BBX: variants seen among roughly 807,000 people sequenced by gnomAD.
The protein encoded by BBX is BBX high mobility group box domain containing, also known as HMG box transcription factor BBX.
In BBX, 30 loss-of-function variants were observed where a neutral mutation model predicts 100.2. That is an observed-to-expected ratio of 0.30 (90% CI 0.22 to 0.41). The LOEUF (loss-of-function observed/expected upper bound fraction) is 0.41. Among genes scored for constraint, BBX ranks in the 10% least tolerant of loss-of-function variants. BBX has a pLI of 1.00. For synonymous variants in BBX, 376 were observed against 388.1 expected (o/e 0.97, Z 0.37); for missense variants, 1,023 against 1,129.8 (o/e 0.91, Z 1.35).
chr3:107,721,504 C>T (rs1317529792), intron 5 of BBX, among the ~76,000 whole-genome samples: 3 of 151,910 alleles, frequency 2.0e-5, no homozygotes, highest in African/African-American at 7.2e-5. Context: ...AGGGGCCCCA[C>T]CACATTTGTG....
In BBX at chr3:107,805,294, C is replaced by A; in HGVS notation, c.2739-76C>A. 2.9e-5 allele frequency: 41 copies of A among 1,423,226 alleles called. No individual in the cohort carries two copies. In the South Asian group the frequency reaches 5.3e-4, roughly 19 times the overall value. The allele number at this position is 1,423,226 out of a possible 1,614,324, so 88.2% of individuals were successfully genotyped here. A position where few individuals can be genotyped will look rare whatever the true frequency, so the allele number is the denominator to read the frequency against. On this transcript the variant is annotated intron_variant, in intron 17 of 17. Transcript: ENST00000325805. ...CTGTTAAACAAGATATTGGAACACA[C>A]TTGTTATTCATCGTCCTCTCCTGTC...
chr3:107,642,001 G>A (rs1200327660), intron 2 of BBX: 1 of 152,184 alleles, frequency 6.6e-6, no homozygotes, highest in Non-Finnish European at 1.5e-5. Context: ...TTCAGCAGAT[G>A]ATTTAACTAG....
chr3:107,596,927 A>G (rs1306238752), intron 2 of BBX, among the ~76,000 whole-genome samples: 2 of 152,160 alleles, frequency 1.3e-5, no homozygotes, highest in Non-Finnish European at 2.9e-5. Flanking sequence ...GGCACTTGAA[A>G]GGTGTTTTGT....
In BBX at chr3:107,550,328, G is replaced by A. The variant is rs2049564427; in HGVS notation, c.-84+23930G>A. 4.6e-5 allele frequency among the ~76,000 whole-genome samples: 7 copies of A among 152,256 alleles called. No individual in the cohort carries two copies. The South Asian group carries it at 1.5e-3, about 32-fold the overall frequency. On this transcript the variant is annotated intron_variant, in intron 2 of 17. Transcript: ENST00000325805. ...ACTCTGGAGAGGTACAGACAATATG[G>A]TCAGATGAGGGATCGGTAACTTTTG...
chr3:107,671,653 CTT>C (rs1484024530), intron 3 of BBX, among the ~76,000 whole-genome samples: 1 of 152,052 alleles, frequency 6.6e-6, no homozygotes. Flanking sequence ...CTCAAAAAGA[CTT>C]TTCAGAATTG....
At chr3:107,632,881 T>C (rs1462455636) in intron 2 of BBX, among the ~76,000 whole-genome samples, 1 of 152,224 alleles carries the variant, frequency 6.6e-6, no homozygotes, top group Non-Finnish European at 1.5e-5. Flanking sequence ...TGTTAAATGA[T>C]TCTGACAAAT....
At chr3:107,801,950 G>A (rs1417662588) in intron 17 of BBX, among the ~76,000 whole-genome samples, 4 of 152,088 alleles carry the variant, frequency 2.6e-5, no homozygotes, top group African/African-American at 9.7e-5. Flanking sequence ...TAGTGATATC[G>A]CCAAAGAATT....
chr3:107,657,474 C>T (rs2058213726), intron 3 of BBX, among the ~76,000 whole-genome samples: 1 of 152,118 alleles, frequency 6.6e-6, no homozygotes, highest in Non-Finnish European at 1.5e-5. Context: ...AGGTATCTGT[C>T]ACCTGAATCA....
At chr3:107,661,821 G>A (rs2058460898) in intron 3 of BBX, 1 of 956,044 alleles carries the variant, frequency 1.0e-6, no homozygotes, top group Non-Finnish European at 1.2e-6. Context: ...TGTTTTTCTT[G>A]TCCCAGGCAC....
intron 2 of BBX, among the ~76,000 whole-genome samples, chr3:107,603,047 T>G (rs2054171072): frequency 6.6e-6 from 1 of 152,164 alleles, no homozygotes; most frequent in African/African-American, 2.4e-5. Flanking sequence ...CACTGCAAGC[T>G]CCACCTCCCA....
intron 3 of BBX, among the ~76,000 whole-genome samples, chr3:107,703,570 T>C (rs2061212140): frequency 6.6e-6 from 1 of 152,212 alleles, no homozygotes; most frequent in Non-Finnish European, 1.5e-5. Context: ...GGGTGCCTTA[T>C]TAGTATTCAT....
chr3:107,675,570 T>C (rs1258427064), intron 3 of BBX, among the ~76,000 whole-genome samples: 1 of 152,150 alleles, frequency 6.6e-6, no homozygotes. Flanking sequence ...TTTAATACCG[T>C]CGTTTGTGTC....
intron 16 of BBX, 65 bp downstream of exon 16, chr3:107,798,785 G>T: frequency 7.3e-7 from 1 of 1,360,660 alleles, no homozygotes. Context: ...CACACTGGAA[G>T]AAGAATTGTC....
At position 107,810,536 on chromosome 3, in the gene BBX, C is replaced by T. The variant is rs1415773422; in HGVS notation, c.*5079C>T. On this transcript the variant is annotated 3_prime_UTR_variant, in exon 18 of 18. Transcript: ENST00000325805. ...ACCTCACAAGCTCTAACCTAAATCA[C>T]AGAGACATGCATGTTTCATGCATTA... 6.6e-6 allele frequency: 1 copy of T among 152,218 alleles called. No individual in the cohort carries two copies. Among genetic ancestry groups the T allele is most frequent in the Non-Finnish European group, 1.5e-5 (1 of 68,044 alleles). 9.4% of individuals were successfully genotyped at this position (152,218 alleles called of 1,614,324 possible).
At chr3:107,702,794 A>T (rs1050733987) in intron 3 of BBX, among the ~76,000 whole-genome samples, 1 of 152,244 alleles carries the variant, frequency 6.6e-6, no homozygotes, top group Non-Finnish European at 1.5e-5. Flanking sequence ...AGGCAAACAC[A>T]GCCTTTTAGA....
chr3:107,744,949 A>G (rs556590873), intron 8 of BBX, among the ~76,000 whole-genome samples: 1 of 152,312 alleles, frequency 6.6e-6, no homozygotes, highest in East Asian at 1.9e-4. Context: ...TATTAACCTC[A>G]TTACTAATTT....
At chr3:107,587,791 A>G (rs2052975003) in intron 2 of BBX, among the ~76,000 whole-genome samples, 1 of 152,224 alleles carries the variant, frequency 6.6e-6, no homozygotes. Flanking sequence ...TGAGGGAGGT[A>G]AAACATACAG....
At chr3:107,792,589 C>A (rs2107954051) in intron 15 of BBX, among the ~76,000 whole-genome samples, 1 of 152,330 alleles carries the variant, frequency 6.6e-6, no homozygotes, top group South Asian at 2.1e-4. Context: ...AAAACGCCAG[C>A]ACTACATCTA....
At chr3:107,568,834 A>G (rs767908139) in intron 2 of BBX, among the ~76,000 whole-genome samples, 14 of 152,086 alleles carry the variant, frequency 9.2e-5, no homozygotes, top group Non-Finnish European at 1.3e-4. Context: ...CAGCTTCCCA[A>G]AGTTTCATTT....
Sources: allele counts gnomAD v4.1 joint callset (sites outside exome capture counted in the v4.1 genomes callset), GRCh38; gene constraint gnomAD v4.1.1; transcripts MANE v1.5; gene names NCBI Gene and HGNC (gene_info 2026-07-23, HGNC 2026-07-21).